TNNI3K: variants seen among roughly 807,000 people sequenced by gnomAD.
TNNI3K encodes the protein TNNI3 interacting kinase.
A neutral mutation model predicts 114.5 loss-of-function variants in TNNI3K; 140 were observed. The ratio of observed to expected loss-of-function variants is 1.22; its 90% CI spans 1.07 to 1.41. TNNI3K has a LOEUF of 1.41. TNNI3K is among the 40% of genes most tolerant of loss of function. The probability of loss-of-function intolerance (pLI) is 0.00; values close to 1 mark genes in which losing one functional copy is unlikely to be tolerated. For missense variants in TNNI3K, 1,125 were observed against 1,007.6 expected, an observed-to-expected ratio of 1.12 and a Z score of -1.58; for synonymous variants, 347 against 347.5, an observed-to-expected ratio of 1.00 and a Z score of 0.02.
chr1:74,540,512 T>C (rs530157159), intron 24 of TNNI3K, among the ~76,000 whole-genome samples, 199 bp downstream of exon 24: 2 of 152,164 alleles, frequency 1.3e-5, no homozygotes, highest in East Asian at 3.9e-4. Flanking sequence ...TGTGTGAGCA[T>C]GTGTGAGTGT....
intron 17 of TNNI3K, among the ~76,000 whole-genome samples, chr1:74,404,171 A>G (rs571164787): frequency 6.6e-6 from 1 of 152,196 alleles, no homozygotes; most frequent in Non-Finnish European, 1.5e-5. Flanking sequence ...TTCATTAAAT[A>G]TGAATTATTA....
At chr1:74,423,211 T>A (rs771198700) in intron 17 of TNNI3K, among the ~76,000 whole-genome samples, 2 of 145,238 alleles carry the variant, frequency 1.4e-5, no homozygotes, top group African/African-American at 5.0e-5. Context: ...CTCCCCTTCA[T>A]GTGGCCCTCT....
At chr1:74,480,155 G>C (rs1183543835) in intron 21 of TNNI3K, 1 of 714,750 alleles carries the variant, frequency 1.4e-6, no homozygotes, top group Non-Finnish European at 2.6e-6. Context: ...CGGCATACCT[G>C]CGAAGCCAAG....
At chr1:74,473,155 G>T (rs1256256070) in intron 21 of TNNI3K, among the ~76,000 whole-genome samples, 1 of 152,118 alleles carries the variant, frequency 6.6e-6, no homozygotes, top group Non-Finnish European at 1.5e-5. Context: ...GCTAGGCATT[G>T]TGCTCATAAT....
intron 23 of TNNI3K, among the ~76,000 whole-genome samples, chr1:74,532,896 C>T (rs1335493301): frequency 2.0e-5 from 3 of 152,156 alleles, no homozygotes; most frequent in Non-Finnish European, 4.4e-5. Context: ...CTTCCTCACA[C>T]CTGATACAAA....
At chr1:74,246,171 G>A (rs1654539009) in intron 2 of TNNI3K, among the ~76,000 whole-genome samples, 1 of 152,190 alleles carries the variant, frequency 6.6e-6, no homozygotes, top group African/African-American at 2.4e-5. Flanking sequence ...TTTATGGTAT[G>A]GCAGTAACTT....
At chr1:74,437,383 T>C (rs1313402266) in intron 19 of TNNI3K, among the ~76,000 whole-genome samples, 1 of 152,066 alleles carries the variant, frequency 6.6e-6, no homozygotes. Flanking sequence ...TGGAAGGGGA[T>C]AAATACTGGA....
intron 17 of TNNI3K, among the ~76,000 whole-genome samples, chr1:74,414,043 GA>G (rs1202931162): frequency 6.6e-6 from 1 of 152,024 alleles, no homozygotes; most frequent in African/African-American, 2.4e-5. Flanking sequence ...AAAACCTACT[GA>G]AAAAAATGAA....
At chr1:74,497,008 G>A (rs1463515939) in intron 23 of TNNI3K, among the ~76,000 whole-genome samples, 3 of 152,204 alleles carry the variant, frequency 2.0e-5, no homozygotes, top group Non-Finnish European at 2.9e-5. Flanking sequence ...GTTTGGAACT[G>A]TAAAACAGAT....
At chr1:74,344,939 C>T (rs1660922679) in intron 9 of TNNI3K, among the ~76,000 whole-genome samples, 1 of 151,988 alleles carries the variant, frequency 6.6e-6, no homozygotes, top group Non-Finnish European at 1.5e-5. Flanking sequence ...ACAGAGTAAG[C>T]ACTCAGTACA....
At chr1:74,439,337 A>C in intron 19 of TNNI3K, 153 bp from the exon 20 acceptor site, 1 of 1,213,824 alleles carries the variant, frequency 8.2e-7, no homozygotes, top group African/African-American at 1.5e-5. Flanking sequence ...TTTATTGCAC[A>C]CACTGAGGGC....
intron 23 of TNNI3K, among the ~76,000 whole-genome samples, chr1:74,518,970 G>A (rs1646392429): frequency 9.2e-6 from 1 of 108,596 alleles, no homozygotes; most frequent in Non-Finnish European, 1.7e-5. Flanking sequence ...CCATGCTGGT[G>A]CGCTGCACCC....
chr1:74,320,414 A>G (rs1659544075), intron 5 of TNNI3K, among the ~76,000 whole-genome samples: 1 of 152,218 alleles, frequency 6.6e-6, no homozygotes, highest in South Asian at 2.1e-4. Flanking sequence ...TTGCAGACCA[A>G]CATTTTCAAT....
chr1:74,418,095 A>G (rs555186862), intron 17 of TNNI3K: 37 of 410,760 alleles, frequency 9.0e-5, no homozygotes, highest in African/African-American at 7.4e-4. Flanking sequence ...AAATACAAGT[A>G]AACATGTTAT....
At chr1:74,477,959 T>C (rs1249465033) in intron 21 of TNNI3K, among the ~76,000 whole-genome samples, 1 of 152,224 alleles carries the variant, frequency 6.6e-6, no homozygotes, top group African/African-American at 2.4e-5. Context: ...TACCAGTTCA[T>C]AGTGTAAGTG....
At chr1:74,515,115 AC>A (rs1445458867) in intron 23 of TNNI3K, among the ~76,000 whole-genome samples, 1 of 152,064 alleles carries the variant, frequency 6.6e-6, no homozygotes, top group Non-Finnish European at 1.5e-5. Flanking sequence ...AACCTTGCCA[AC>A]ACCTTGACTC....
chr1:74,538,522 G>T (rs1307672749), intron 23 of TNNI3K, among the ~76,000 whole-genome samples: 1 of 152,138 alleles, frequency 6.6e-6, no homozygotes, highest in African/African-American at 2.4e-5. Context: ...AATATGGAGG[G>T]TGTATAAGTA....
chr1:74,404,046 C>T (rs1392427648), intron 17 of TNNI3K, among the ~76,000 whole-genome samples: 1 of 152,044 alleles, frequency 6.6e-6, no homozygotes, highest in Non-Finnish European at 1.5e-5. Context: ...TTAATTTGAG[C>T]TGGATTGACT....
chr1:74,405,736 A>G (rs990692954), intron 17 of TNNI3K, among the ~76,000 whole-genome samples: 1 of 152,188 alleles, frequency 6.6e-6, no homozygotes, highest in African/African-American at 2.4e-5. Context: ...ATGATTTCCT[A>G]TGATCAACTA....
Sources: gnomAD v4.1 joint callset for allele counts (sites outside exome capture counted in the v4.1 genomes callset) on GRCh38, gnomAD v4.1.1 for gene constraint, MANE v1.5 for transcripts, NCBI Gene and HGNC (gene_info 2026-07-23, HGNC 2026-07-21) for gene names.